The following PUM1 variants were observed in gnomAD, a reference collection of about 807,000 sequenced individuals.
PUM1 encodes the protein pumilio RNA binding family member 1, also known as pumilio homolog 1.
PUM1 carries 13 observed loss-of-function variants against 131.8 expected under a neutral mutation model. The observed-to-expected ratio is 0.10, with a 90% CI of 0.06 to 0.16. The LOEUF is 0.16. PUM1 is among the 10% of genes least tolerant of loss of function. The pLI is 1.00. For synonymous variants in PUM1, 509 were observed against 556.5 expected (o/e 0.91, Z 1.20); for missense variants, 961 against 1,512.4 (o/e 0.64, Z 6.05).
At chr1:30,958,898 A>G (rs1394887247) in intron 14 of PUM1, among the ~76,000 whole-genome samples, 1 of 152,216 alleles carries the variant, frequency 6.6e-6, no homozygotes, top group Non-Finnish European at 1.5e-5. Context: ...TCAGGGTCAC[A>G]ACATATTTTA....
At chr1:31,044,701 G>T (rs1036454308) in intron 2 of PUM1, among the ~76,000 whole-genome samples, 7 of 152,114 alleles carry the variant, frequency 4.6e-5, no homozygotes, top group Admixed American at 3.9e-4. Context: ...TTTTAAGATG[G>T]AGTCTTGCTC....
At chr1:31,045,705 C>T (rs1643940967) in intron 2 of PUM1, among the ~76,000 whole-genome samples, 1 of 152,080 alleles carries the variant, frequency 6.6e-6, no homozygotes, top group Admixed American at 6.6e-5. Context: ...GGTACTTGGA[C>T]CATAAAAGAG....
rs1179006081 is a variant in PUM1, at chr1:30,952,676, GGGGGGGC to G, written c.2592-320_2592-314del. Among the ~76,000 whole-genome samples, 239 of 25,838 alleles carry G rather than the reference GGGGGGGC, an allele frequency of 9.2e-3. 3 individuals are homozygous for G. In the East Asian group the frequency reaches 0.13, roughly 14 times the overall value. The allele number at this position is 25,838 out of a possible 152,430, so 17.0% of individuals were successfully genotyped here. On this transcript the variant is annotated intron_variant, in intron 15 of 21. Coordinates refer to ENST00000426105, the MANE Select transcript of PUM1 (RefSeq NM_001020658.2). ...CAAGGTGGGAGGGAAGATGAAAGCG[GGGGGGGC>G]GGGGGGGGGGCGGGAGGGGCAGGGG...
At chr1:31,014,758 C>T (rs566217886) in intron 3 of PUM1, among the ~76,000 whole-genome samples, 120 of 151,334 alleles carry the variant, frequency 7.9e-4, no homozygotes, top group Non-Finnish European at 1.4e-3. Flanking sequence ...CACTGCACTC[C>T]AGCCTGGGCG....
intron 3 of PUM1, among the ~76,000 whole-genome samples, chr1:31,016,761 T>C (rs1453285208): frequency 6.6e-6 from 1 of 152,212 alleles, no homozygotes; most frequent in Non-Finnish European, 1.5e-5. Flanking sequence ...GAAAACAGAT[T>C]ACCATAGACA....
intron 18 of PUM1, among the ~76,000 whole-genome samples, chr1:30,944,572 G>A (rs1056878614): frequency 6.6e-6 from 1 of 152,100 alleles, no homozygotes; most frequent in East Asian, 1.9e-4. Flanking sequence ...TGGTTATTTG[G>A]CCATTTAATA....
chr1:30,981,114 T>A (rs1347875557), intron 8 of PUM1, among the ~76,000 whole-genome samples, 198 bp downstream of exon 8: 2 of 152,206 alleles, frequency 1.3e-5, no homozygotes, highest in African/African-American at 2.4e-5. Flanking sequence ...TGAAGAAATG[T>A]TATGATGCGG....
At chr1:30,937,180 C>T (rs114024912) in intron 20 of PUM1, among the ~76,000 whole-genome samples, 66 of 152,184 alleles carry the variant, frequency 4.3e-4, no homozygotes, top group African/African-American at 1.3e-3. Flanking sequence ...GGCCCTCTAA[C>T]GGGTAAGGGT....
At chr1:30,989,936 G>A (rs886351905) in intron 7 of PUM1, among the ~76,000 whole-genome samples, 3 of 152,178 alleles carry the variant, frequency 2.0e-5, no homozygotes, top group Admixed American at 2.0e-4. Context: ...TCTCATGAGA[G>A]AGACCATGGC....
At chr1:31,030,192 G>C (rs1012574215) in intron 2 of PUM1, among the ~76,000 whole-genome samples, 2 of 151,870 alleles carry the variant, frequency 1.3e-5, no homozygotes, top group African/African-American at 4.8e-5. Context: ...CTGGGTGACA[G>C]AGCGAGATTC....
At chr1:30,967,991 A>C (rs1189213304) in intron 11 of PUM1, among the ~76,000 whole-genome samples, 4 of 152,214 alleles carry the variant, frequency 2.6e-5, no homozygotes, top group Non-Finnish European at 5.9e-5. Context: ...GTATACCAGA[A>C]ATTTCTCACT....
chr1:30,979,104 C>CAA (rs748319256), intron 9 of PUM1, among the ~76,000 whole-genome samples: 48 of 82,634 alleles, frequency 5.8e-4, no homozygotes, highest in African/African-American at 1.9e-3. Flanking sequence ...ATCCTGTCTC[C>CAA]AAAAAAAAAA....
At chr1:31,009,782 A>ACAAAAAACAAAAAC (rs1553150212) in intron 3 of PUM1, among the ~76,000 whole-genome samples, 4 of 125,370 alleles carry the variant, frequency 3.2e-5, no homozygotes, top group African/African-American at 9.9e-5. Flanking sequence ...AAAAAAAAAA[A>ACAAAAAACAAAAAC]AAAAACAAAA....
chr1:30,933,449 C>CACACAT, intron 21 of PUM1, 107 bp from the exon 22 acceptor site: 1 of 668,242 alleles, frequency 1.5e-6, no homozygotes, highest in Non-Finnish European at 2.5e-6. Flanking sequence ...TACACACACA[C>CACACAT]ACACACACAC....
At chr1:31,041,959 T>C (rs1643831501) in intron 2 of PUM1, among the ~76,000 whole-genome samples, 2 of 152,236 alleles carry the variant, frequency 1.3e-5, no homozygotes, top group Admixed American at 6.6e-5. Context: ...GGACAAAGCA[T>C]ATGATTACTC....
chr1:30,998,469 C>T (rs1263831162), intron 5 of PUM1, among the ~76,000 whole-genome samples: 1 of 137,776 alleles, frequency 7.3e-6, no homozygotes, highest in Non-Finnish European at 1.5e-5. Flanking sequence ...GAGACGCCAT[C>T]TCTAAAAAAA....
intron 8 of PUM1, among the ~76,000 whole-genome samples, chr1:30,980,571 T>C (rs1641318795): frequency 6.6e-6 from 1 of 152,194 alleles, no homozygotes; most frequent in Non-Finnish European, 1.5e-5. Context: ...TTTATAAAGA[T>C]TACCATCTAC....
intron 9 of PUM1, among the ~76,000 whole-genome samples, chr1:30,979,473 G>A (rs1014113092): frequency 6.6e-6 from 1 of 152,126 alleles, no homozygotes; most frequent in Admixed American, 6.5e-5. Context: ...AGAATTATCT[G>A]GAAGCTCCTT....
intron 2 of PUM1, among the ~76,000 whole-genome samples, chr1:31,052,480 G>A (rs867482836): frequency 2.7e-5 from 4 of 150,258 alleles, no homozygotes; most frequent in African/African-American, 7.4e-5. Context: ...CTGGGCTCAA[G>A]TGATCCTCCC....
Sources: gnomAD v4.1 joint callset for allele counts (sites outside exome capture counted in the v4.1 genomes callset) on GRCh38, gnomAD v4.1.1 for gene constraint, MANE v1.5 for transcripts, NCBI Gene and HGNC (gene_info 2026-07-23, HGNC 2026-07-21) for gene names.